RNF146: variants seen among roughly 807,000 people sequenced by gnomAD.
RNF146 encodes the protein E3 ubiquitin-protein ligase RNF146.
In RNF146, 11 loss-of-function variants were observed where a neutral mutation model predicts 29.7. The ratio of observed to expected loss-of-function variants is 0.37; its 90% CI spans 0.23 to 0.61. The LOEUF (loss-of-function observed/expected upper bound fraction) is 0.61. Ranked by LOEUF, RNF146 falls within the 20% of genes least tolerant of loss-of-function variation. The probability of loss-of-function intolerance (pLI) is 0.66; values close to 1 mark genes in which losing one functional copy is unlikely to be tolerated. For synonymous variants in RNF146, 150 were observed against 159.7 expected, an observed-to-expected ratio of 0.94 and a Z score of 0.46; for missense variants, 342 against 438.9, an observed-to-expected ratio of 0.78 and a Z score of 1.97.
Position 127,280,313 on chromosome 6 carries a change from A to T in RNF146, c.-26A>T, listed in dbSNP as rs1309547069. 25 of 1,547,160 alleles carry T rather than the reference A, an allele frequency of 1.6e-5. No individual in the cohort carries two copies. The highest frequency in any genetic ancestry group is 2.2e-5 in the Non-Finnish European group (25 of 1,144,568). On this transcript the variant is annotated 5_prime_UTR_variant, in exon 2 of 3. Coordinates refer to ENST00000368314, the MANE Select transcript of RNF146 (RefSeq NM_001242850.2). Reference sequence around the variant, plus strand: ...GAAGAAAATGCTTTATTTTTGTGGCAGGCATCTGTGGGATCTGTAATAGAA... The same window carrying T: ...GAAGAAAATGCTTTATTTTTGTGGCTGGCATCTGTGGGATCTGTAATAGAA...
intron 1 of RNF146, among the ~76,000 whole-genome samples, chr6:127,269,274 CAGAATTAT>C (rs1192999017): frequency 6.6e-6 from 1 of 152,142 alleles, no homozygotes; most frequent in African/African-American, 2.4e-5. Flanking sequence ...CTTAGAATTA[CAGAATTAT>C]AGAGTAGGAT....
At chr6:127,274,627 C>T (rs1777943000) in intron 1 of RNF146, among the ~76,000 whole-genome samples, 1 of 152,126 alleles carries the variant, frequency 6.6e-6, no homozygotes. Context: ...TGAATCTTCA[C>T]ACTAGAGGTT....
intron 1 of RNF146, among the ~76,000 whole-genome samples, chr6:127,272,868 T>C (rs1777691241): frequency 6.6e-6 from 1 of 152,236 alleles, no homozygotes; most frequent in Non-Finnish European, 1.5e-5. Context: ...GTTTGTTATA[T>C]GCATTACATA....
chr6:127,276,835 G>A (rs904279291), intron 1 of RNF146, among the ~76,000 whole-genome samples: 4 of 152,084 alleles, frequency 2.6e-5, no homozygotes, highest in Non-Finnish European at 4.4e-5. Flanking sequence ...TGAAAATTGA[G>A]GATGGTGTTT....
In RNF146 at chr6:127,266,927, T is replaced by C; in HGVS notation, c.-109+2T>C. ...GTGGCCGCAGCTGTGGCCGGAGAGG[T>C]GGGAGTCGGAGCGAGGCCCTCTCGG... On this transcript the variant is annotated splice_donor_variant, in intron 1 of 2. Transcript: ENST00000368314. LOFTEE classifies it low-confidence loss of function (5UTR_SPLICE). 1 of 148,132 alleles carries C rather than the reference T, an allele frequency of 6.8e-6. No individual in the cohort carries two copies. Among genetic ancestry groups the C allele is most frequent in the Non-Finnish European group, 1.5e-5 (1 of 66,902 alleles). 9.2% of individuals were successfully genotyped at this position (148,132 alleles called of 1,614,324 possible).
rs17054498 is a variant in RNF146, at chr6:127,283,154, G to A, written c.2+2814G>A. ...GTATTAATAGACTCTTATTAGTCTG[G>A]CAGAAATATTTCACATGGTTTATCT... On this transcript the variant is annotated intron_variant, in intron 2 of 2. Transcript: ENST00000368314. Among the ~76,000 whole-genome samples the A allele has an allele frequency of 8.9e-3, 1,352 of 151,742 alleles. 81 individuals carry two copies. Among genetic ancestry groups the A allele is most frequent in the Admixed American group, 0.079 (1,196 of 15,192 alleles).
At chr6:127,283,553 T>G (rs187315107) in intron 2 of RNF146, among the ~76,000 whole-genome samples, 1 of 151,838 alleles carries the variant, frequency 6.6e-6, no homozygotes, top group Admixed American at 6.6e-5. Flanking sequence ...ATTAAAATGG[T>G]TTTTTAAAAA....
intron 1 of RNF146, among the ~76,000 whole-genome samples, chr6:127,271,234 C>A (rs1359244447): frequency 6.6e-6 from 1 of 152,036 alleles, no homozygotes; most frequent in African/African-American, 2.4e-5. Flanking sequence ...AGCTTCCAGG[C>A]AATAGTAGAC....
rs1197812628 is a variant in RNF146, at chr6:127,286,425, C to A, written c.3-191C>A. On this transcript the variant is annotated intron_variant, in intron 2 of 2. Transcript: ENST00000368314. The surrounding 1 kb of genome is among the most constrained non-coding windows in gnomAD (Gnocchi z 4.6). Reference sequence around the variant, plus strand: ...TTTTTATACATTCCCAAGGTATGTACAAGTAGATGCTTACAAAAAATTTTC... The same window carrying A: ...TTTTTATACATTCCCAAGGTATGTAAAAGTAGATGCTTACAAAAAATTTTC... 1 of 688,906 alleles carries A rather than the reference C, an allele frequency of 1.5e-6. No homozygotes were observed. The highest frequency in any genetic ancestry group is 2.3e-6 in the Non-Finnish European group (1 of 426,870). 42.7% of individuals were successfully genotyped at this position (688,906 alleles called of 1,614,324 possible). A position where few individuals can be genotyped will look rare whatever the true frequency, so the allele number is the denominator to read the frequency against.
intron 1 of RNF146, among the ~76,000 whole-genome samples, chr6:127,279,894 T>C (rs1222722930): frequency 6.6e-6 from 1 of 151,878 alleles, no homozygotes; most frequent in Non-Finnish European, 1.5e-5. Flanking sequence ...TGTCTCCTGG[T>C]GTATCAGAAC....
chr6:127,267,454 G>A (rs1776808309), intron 1 of RNF146, among the ~76,000 whole-genome samples: 1 of 152,194 alleles, frequency 6.6e-6, no homozygotes, highest in African/African-American at 2.4e-5. Flanking sequence ...ATGGTTTTTC[G>A]GCGGTAGCCT....
intron 1 of RNF146, among the ~76,000 whole-genome samples, chr6:127,278,670 T>C (rs1312628337): frequency 6.6e-6 from 1 of 152,068 alleles, no homozygotes; most frequent in Non-Finnish European, 1.5e-5. Flanking sequence ...TCTTCAATTC[T>C]ATTGCTATAT....
chr6:127,285,009 T>C (rs2114508388), intron 2 of RNF146, among the ~76,000 whole-genome samples: 1 of 151,994 alleles, frequency 6.6e-6, no homozygotes, highest in Non-Finnish European at 1.5e-5. Flanking sequence ...TTTCCATAGG[T>C]TAGGAGAAAG....
chr6:127,288,361 AAC>A lies in RNF146; in HGVS notation c.*670_*671del, dbSNP rs1779795070. 1 of 166,830 alleles carries A rather than the reference AAC, an allele frequency of 6.0e-6. No homozygotes were observed. The highest frequency in any genetic ancestry group is 2.4e-5 in the African/African-American group (1 of 41,412). The allele number at this position is 166,830 out of a possible 1,614,324, so 10.3% of individuals were successfully genotyped here. On this transcript the variant is annotated 3_prime_UTR_variant, in exon 3 of 3. Coordinates refer to ENST00000368314, the MANE Select transcript of RNF146 (RefSeq NM_001242850.2). ...TTAATAAATACTAGAGTTTATCAAA[AAC>A]AGTTTGTCTCTTGTTTGAGGGTGGA... is the stretch of plus-strand genomic sequence containing the variant.
At chr6:127,276,564 T>G (rs1229490385) in intron 1 of RNF146, among the ~76,000 whole-genome samples, 1 of 151,872 alleles carries the variant, frequency 6.6e-6, no homozygotes, top group Non-Finnish European at 1.5e-5. Flanking sequence ...TAAAAAAGAT[T>G]GGGTTCCAGA....
intron 2 of RNF146, chr6:127,285,061 G>A (rs955975759): frequency 2.9e-6 from 1 of 339,664 alleles, no homozygotes; most frequent in Non-Finnish European, 4.2e-6. Flanking sequence ...TTCTGGTAAA[G>A]GAATTGATTG....
intron 2 of RNF146, 122 bp downstream of exon 2, chr6:127,280,462 G>T: frequency 7.4e-7 from 1 of 1,347,940 alleles, no homozygotes; most frequent in South Asian, 1.8e-5. Context: ...ATTTTCTTTT[G>T]ACTTATAGGT....
At chr6:127,280,468 T>C (rs578046098) in intron 2 of RNF146, 128 bp downstream of exon 2, 14 of 1,340,750 alleles carry the variant, frequency 1.0e-5, no homozygotes, top group Admixed American at 5.7e-5. Context: ...TTTTGACTTA[T>C]AGGTGCTTTA....
At chr6:127,274,327 TG>T (rs2114442519) in intron 1 of RNF146, among the ~76,000 whole-genome samples, 1 of 152,296 alleles carries the variant, frequency 6.6e-6, no homozygotes, top group South Asian at 2.1e-4. Flanking sequence ...AGGATTTTTT[TG>T]TACTTATTTT....
Sources: gnomAD v4.1 joint callset for allele counts (sites outside exome capture counted in the v4.1 genomes callset) on GRCh38, gnomAD v4.1.1 for gene constraint, Gnocchi (gnomAD v3.1) non-coding constraint, MANE v1.5 for transcripts, NCBI Gene and HGNC (gene_info 2026-07-23, HGNC 2026-07-21) for gene names.